The following DAB2IP variants were observed in gnomAD, a reference collection of about 807,000 sequenced individuals.
The protein encoded by DAB2IP is disabled homolog 2-interacting protein.
A neutral mutation model predicts 107.2 loss-of-function variants in DAB2IP; 28 were observed. The ratio of observed to expected loss-of-function variants is 0.26; its 90% confidence interval spans 0.19 to 0.36. The LOEUF is 0.36. Ranked by LOEUF, DAB2IP falls within the 10% of genes least tolerant of loss-of-function variation. The pLI is 1.00. For synonymous variants in DAB2IP, 755 were observed against 706.4 expected (o/e 1.07, Z -1.09); for missense variants, 1,400 against 1,644.7 (o/e 0.85, Z 2.57).
intron 13 of DAB2IP, among the ~76,000 whole-genome samples, chr9:121,774,944 G>T (rs1002043115): frequency 1.3e-5 from 2 of 152,150 alleles, no homozygotes; most frequent in Non-Finnish European, 2.9e-5. Context: ...TTACCAGCTT[G>T]GGGGGTGGGG....
At chr9:121,675,825 AC>A (rs1396763544) in intron 1 of DAB2IP, among the ~76,000 whole-genome samples, 2 of 152,232 alleles carry the variant, frequency 1.3e-5, no homozygotes, top group Non-Finnish European at 2.9e-5. Flanking sequence ...ATGTGCTGTC[AC>A]AGAGGACAGG....
At chr9:121,774,765 T>G (rs1176429128) in intron 13 of DAB2IP, among the ~76,000 whole-genome samples, 4 of 151,894 alleles carry the variant, frequency 2.6e-5, no homozygotes, top group Non-Finnish European at 5.9e-5. Context: ...GGTGCCCAAG[T>G]GACATATAGA....
At chr9:121,735,332 T>A (rs1157535279) in intron 3 of DAB2IP, among the ~76,000 whole-genome samples, 1 of 152,184 alleles carries the variant, frequency 6.6e-6, no homozygotes, top group Non-Finnish European at 1.5e-5. Flanking sequence ...TCAGGGACTT[T>A]CCAGGTTGGG....
At chr9:121,783,124 T>TACCC in exon 16 of DAB2IP, 1 of 889,048 alleles carries the variant, frequency 1.1e-6, no homozygotes, top group African/African-American at 1.8e-5. Flanking sequence ...TGAGGATTCC[T>TACCC]ACCCACCCAC....
At chr9:121,723,613 C>T (rs753022440) in intron 3 of DAB2IP, among the ~76,000 whole-genome samples, 40 of 152,186 alleles carry the variant, frequency 2.6e-4, no homozygotes, top group Non-Finnish European at 7.3e-5. Context: ...TCTTGCAGCA[C>T]CTCCTGCTCA....
intron 1 of DAB2IP, among the ~76,000 whole-genome samples, chr9:121,664,442 T>A (rs1213680866): frequency 2.0e-5 from 3 of 152,210 alleles, no homozygotes; most frequent in Non-Finnish European, 4.4e-5. Flanking sequence ...TTATTTTGGA[T>A]TTTGATTGGG....
chr9:121,728,821 G>C (rs1564183607), intron 3 of DAB2IP, among the ~76,000 whole-genome samples: 1 of 152,052 alleles, frequency 6.6e-6, no homozygotes, highest in East Asian at 1.9e-4. Flanking sequence ...ATTTGGGGAG[G>C]GGGGGACAGC....
At chr9:121,726,887 C>T (rs1831264146) in intron 3 of DAB2IP, among the ~76,000 whole-genome samples, 1 of 152,132 alleles carries the variant, frequency 6.6e-6, no homozygotes, top group Non-Finnish European at 1.5e-5. Flanking sequence ...CACCCTACTC[C>T]CTCATACTGT....
exon 16 of DAB2IP, chr9:121,783,634 A>C: frequency 6.6e-7 from 1 of 1,526,222 alleles, no homozygotes; most frequent in Middle Eastern, 2.2e-4. Flanking sequence ...GCCCTGGAGG[A>C]TGTTAGACTT....
In DAB2IP at chr9:121,699,545, C is replaced by T. The variant is rs1829652661; in HGVS notation, c.362+87C>T. 5.4e-6 allele frequency: 6 copies of T among 1,118,818 alleles called. No homozygotes were observed. The highest frequency in any genetic ancestry group is 3.3e-5 in the African/African-American group (2 of 60,162). 69.3% of individuals were successfully genotyped at this position (1,118,818 alleles called of 1,614,324 possible). ...GCGGGGACAAAGCGCGAGCCCGGCC[C>T]GGGGCGAGCCACACGGCGGTGGGGG... On this transcript the variant is annotated intron_variant, in intron 3 of 15. Transcript: ENST00000408936. This position sits in a 1 kb window ranked among gnomAD's most constrained non-coding sequence, Gnocchi z 6.2.
At chr9:121,628,041 T>A (rs520198) in intron 1 of DAB2IP, among the ~76,000 whole-genome samples, 1 of 151,744 alleles carries the variant, frequency 6.6e-6, no homozygotes, top group Non-Finnish European at 1.5e-5. Flanking sequence ...ATTAGGAAAG[T>A]GGTCATTGCT....
chr9:121,755,149 T>C (rs1418944317), intron 3 of DAB2IP, among the ~76,000 whole-genome samples: 1 of 152,080 alleles, frequency 6.6e-6, no homozygotes, highest in Non-Finnish European at 1.5e-5. Flanking sequence ...ATTGCCGTGA[T>C]GGGGAGGAGG....
chr9:121,723,277 C>G (rs1831044793), intron 3 of DAB2IP, among the ~76,000 whole-genome samples: 1 of 152,230 alleles, frequency 6.6e-6, no homozygotes, highest in South Asian at 2.1e-4. Flanking sequence ...TGGCTGAGGA[C>G]TTCGAGAGCA....
At chr9:121,741,081 A>G (rs1297686631) in intron 3 of DAB2IP, among the ~76,000 whole-genome samples, 3 of 152,124 alleles carry the variant, frequency 2.0e-5, no homozygotes, top group Admixed American at 2.0e-4. Context: ...CAGGGCTCCA[A>G]GGCATTCCTT....
At chr9:121,613,295 G>C (rs1831157347) in intron 1 of DAB2IP, among the ~76,000 whole-genome samples, 1 of 152,210 alleles carries the variant, frequency 6.6e-6, no homozygotes, top group Admixed American at 6.5e-5. Flanking sequence ...ACCCCGACCT[G>C]ACTGCCCTTG....
chr9:121,717,103 C>T (rs1367900849), intron 3 of DAB2IP, among the ~76,000 whole-genome samples: 1 of 152,178 alleles, frequency 6.6e-6, no homozygotes, highest in Non-Finnish European at 1.5e-5. Context: ...GGGAATCTTG[C>T]CCTCAGAGAA....
intron 1 of DAB2IP, among the ~76,000 whole-genome samples, chr9:121,619,502 G>T (rs113114839): frequency 6.6e-6 from 1 of 152,186 alleles, no homozygotes; most frequent in Non-Finnish European, 1.5e-5. Flanking sequence ...CTGCGCTAAC[G>T]GTGTCAACAC....
intron 1 of DAB2IP, among the ~76,000 whole-genome samples, chr9:121,669,592 C>G (rs1007472850): frequency 1.1e-4 from 17 of 152,134 alleles, no homozygotes; most frequent in African/African-American, 3.9e-4. Context: ...AGAGGCAAGT[C>G]TATAACTGTG....
intron 2 of DAB2IP, among the ~76,000 whole-genome samples, chr9:121,681,971 A>G (rs944460915): frequency 6.6e-6 from 1 of 152,230 alleles, no homozygotes; most frequent in Non-Finnish European, 1.5e-5. Context: ...GAAATCCATC[A>G]TTAACATCCA....
Sources: gnomAD v4.1 joint callset for allele counts (sites outside exome capture counted in the v4.1 genomes callset) on GRCh38, gnomAD v4.1.1 for gene constraint, Gnocchi (gnomAD v3.1) non-coding constraint, MANE v1.5 for transcripts, NCBI Gene and HGNC (gene_info 2026-07-23, HGNC 2026-07-21) for gene names.